COL22A1: variants seen among roughly 807,000 people sequenced by gnomAD.
The protein encoded by COL22A1 is collagen type XXII alpha 1 chain, also known as collagen alpha-1(XXII) chain.
A neutral mutation model predicts 248.9 loss-of-function variants in COL22A1; 221 were observed. That is an observed-to-expected ratio of 0.89 (90% CI 0.80 to 0.99). The LOEUF (loss-of-function observed/expected upper bound fraction) is 0.99. Among genes scored for constraint, COL22A1 ranks in the 50% least tolerant of loss-of-function variants. The pLI is 0.00. For synonymous variants in COL22A1, 891 were observed against 793.4 expected (o/e 1.12, Z -2.07); for missense variants, 2,240 against 2,179.0 (o/e 1.03, Z -0.56).
intron 17 of COL22A1, among the ~76,000 whole-genome samples, chr8:138,761,129 C>A (rs777809401): frequency 6.4e-4 from 98 of 152,148 alleles, no homozygotes; most frequent in Non-Finnish European, 1.1e-3. Flanking sequence ...TTCCCCTGCA[C>A]CCTGAGACCC....
intron 12 of COL22A1, among the ~76,000 whole-genome samples, chr8:138,784,062 C>A (rs1331535688): frequency 1.3e-5 from 2 of 152,292 alleles, no homozygotes; most frequent in East Asian, 3.9e-4. Flanking sequence ...GTGATGGAGA[C>A]CAGGCTGCCA....
chr8:138,715,230 G>A (rs1829333654), intron 30 of COL22A1, among the ~76,000 whole-genome samples: 1 of 152,140 alleles, frequency 6.6e-6, no homozygotes, highest in South Asian at 2.1e-4. Flanking sequence ...CAGCTGTGGA[G>A]TCATGAACGC....
At chr8:138,839,570 CCA>C (rs1007969615) in intron 4 of COL22A1, among the ~76,000 whole-genome samples, 2 of 152,128 alleles carry the variant, frequency 1.3e-5, no homozygotes, top group African/African-American at 4.8e-5. Flanking sequence ...CACTCTGCTC[CCA>C]CACAGAGTTC....
intron 21 of COL22A1, among the ~76,000 whole-genome samples, chr8:138,753,061 T>C (rs770483360): frequency 1.3e-5 from 2 of 152,154 alleles, no homozygotes; most frequent in Admixed American, 6.5e-5. Flanking sequence ...GGATCAGAGA[T>C]TAAGCAATGT....
chr8:138,602,010 CG>C, intron 60 of COL22A1, 104 bp downstream of exon 60: 1 of 1,143,422 alleles, frequency 8.7e-7, no homozygotes. Context: ...ATGATCCAGG[CG>C]GGTGTTTACT....
At chr8:138,698,748 C>T (rs1021823622) in intron 32 of COL22A1, among the ~76,000 whole-genome samples, 7 of 149,176 alleles carry the variant, frequency 4.7e-5, no homozygotes, top group South Asian at 2.2e-4. Flanking sequence ...GAGAGAGGTG[C>T]GGTGTTCCTC....
intron 3 of COL22A1, 103 bp from the exon 4 acceptor site, chr8:138,844,261 T>A: frequency 9.6e-7 from 1 of 1,042,052 alleles, no homozygotes; most frequent in Non-Finnish European, 1.5e-6. Flanking sequence ...TTGCAGCATG[T>A]GAGGTGTTCA....
intron 2 of COL22A1, among the ~76,000 whole-genome samples, chr8:138,880,425 G>T (rs570347614): frequency 6.6e-6 from 1 of 152,334 alleles, no homozygotes; most frequent in South Asian, 2.1e-4. Flanking sequence ...GGCAAGCAGA[G>T]CTATGAGTGA....
chr8:138,862,026 T>TGAAAAAAAAA (rs1164386898), intron 3 of COL22A1, among the ~76,000 whole-genome samples: 1 of 93,270 alleles, frequency 1.1e-5, no homozygotes, highest in African/African-American at 4.3e-5. Flanking sequence ...CTGTCTCTAC[T>TGAAAAAAAAA]AAAAAAAAAA....
intron 49 of COL22A1, among the ~76,000 whole-genome samples, chr8:138,633,541 G>C (rs1820901508): frequency 6.6e-6 from 1 of 152,200 alleles, no homozygotes; most frequent in African/African-American, 2.4e-5. Flanking sequence ...CATTTTCTGA[G>C]ATCCTCAGCT....
At chr8:138,869,238 A>G (rs184975294) in intron 3 of COL22A1, among the ~76,000 whole-genome samples, 26 of 152,342 alleles carry the variant, frequency 1.7e-4, no homozygotes, top group African/African-American at 6.0e-4. Context: ...AATAATCCAC[A>G]GGTGCATATG....
chr8:138,647,909 C>T (rs1231085263), intron 46 of COL22A1, among the ~76,000 whole-genome samples: 1 of 152,186 alleles, frequency 6.6e-6, no homozygotes, highest in Non-Finnish European at 1.5e-5. Flanking sequence ...AGCCTCTGCA[C>T]TGATATCAAG....
chr8:138,770,274 C>T (rs910836539), intron 16 of COL22A1, among the ~76,000 whole-genome samples: 5 of 152,212 alleles, frequency 3.3e-5, no homozygotes, highest in African/African-American at 7.2e-5. Flanking sequence ...GGGCCCTCAA[C>T]GCCCAGTGCT....
At chr8:138,594,332 C>G (rs1467241355) in intron 62 of COL22A1, 133 bp from the exon 63 acceptor site, 17 of 676,586 alleles carry the variant, frequency 2.5e-5, no homozygotes, top group Non-Finnish European at 3.8e-5. Context: ...AGGATGGCTA[C>G]TCACTGACAA....
intron 2 of COL22A1, among the ~76,000 whole-genome samples, chr8:138,882,222 CCTCT>C (rs1179562373): frequency 2.6e-5 from 4 of 152,016 alleles, no homozygotes; most frequent in African/African-American, 7.3e-5. Flanking sequence ...CAACTCATTC[CCTCT>C]CTCTGTCACG....
intron 42 of COL22A1, 43 bp from the exon 43 acceptor site, chr8:138,662,126 A>C (rs774430948): frequency 6.5e-7 from 1 of 1,546,978 alleles, no homozygotes; most frequent in Non-Finnish European, 8.9e-7. Context: ...TACAATATTT[A>C]AGCAAATAAG....
intron 38 of COL22A1, among the ~76,000 whole-genome samples, chr8:138,685,007 C>A (rs1370365044): frequency 6.6e-6 from 1 of 152,240 alleles, no homozygotes; most frequent in Non-Finnish European, 1.5e-5. Context: ...ATCTCTGTAT[C>A]CCCAGCACTG....
chr8:138,616,870 C>T (rs745565347), intron 54 of COL22A1, 44 bp downstream of exon 54: 1 of 1,611,992 alleles, frequency 6.2e-7, no homozygotes, highest in Non-Finnish European at 8.5e-7. Flanking sequence ...GAAGTGTAAG[C>T]TCTGCCCACC....
intron 3 of COL22A1, among the ~76,000 whole-genome samples, chr8:138,861,660 C>T (rs1052140304): frequency 6.6e-6 from 1 of 152,188 alleles, no homozygotes; most frequent in East Asian, 1.9e-4. Context: ...CTGCCACAGG[C>T]ACCTCTCACT....
Sources: allele counts gnomAD v4.1 joint callset (sites outside exome capture counted in the v4.1 genomes callset), GRCh38; gene constraint gnomAD v4.1.1; transcripts MANE v1.5; gene names NCBI Gene and HGNC (gene_info 2026-07-23, HGNC 2026-07-21).